Variants in PALLD observed in about 807,000 individuals in gnomAD.
PALLD encodes the protein palladin, cytoskeletal associated protein.
A neutral mutation model predicts 123.5 loss-of-function variants in PALLD; 61 were observed. The ratio of observed to expected loss-of-function variants is 0.49; its 90% confidence interval spans 0.40 to 0.61. PALLD has a LOEUF of 0.61. Ranked by LOEUF, PALLD falls within the 20% of genes least tolerant of loss-of-function variation. The pLI is 0.00. For synonymous variants in PALLD, 465 were observed against 496.4 expected (o/e 0.94, Z 0.84); for missense variants, 1,273 against 1,377.0 (o/e 0.92, Z 1.20).
At chr4:168,580,661 G>C (rs996602374) in intron 2 of PALLD, among the ~76,000 whole-genome samples, 1 of 152,022 alleles carries the variant, frequency 6.6e-6, no homozygotes, top group Non-Finnish European at 1.5e-5. Flanking sequence ...CTACTATAAA[G>C]ACATATGTAT....
intron 10 of PALLD, among the ~76,000 whole-genome samples, chr4:168,791,960 A>G (rs1737587835): frequency 6.6e-6 from 1 of 152,234 alleles, no homozygotes; most frequent in Admixed American, 6.5e-5. Context: ...AGTTGTTTTA[A>G]AGGAGGAACT....
Position 168,890,995 on chromosome 4 carries a change from G to GT in PALLD, c.2040dup (p.Ile681TyrfsTer36). 6.2e-7 allele frequency: 1 copy of GT among 1,613,996 alleles called. No homozygotes were observed. Among genetic ancestry groups the GT allele is most frequent in the Non-Finnish European group, 8.5e-7 (1 of 1,179,878 alleles). ...GGAAATTCAAGGCACAAAGGATGCT[G>GT]TTATTCAAGACCTGGAACGAAAACT... On this transcript the variant is annotated frameshift_variant, in exon 11 of 22. Transcript: ENST00000505667. LOFTEE classifies it high-confidence loss of function.
At chr4:168,873,214 C>A (rs1164961473) in intron 10 of PALLD, among the ~76,000 whole-genome samples, 1 of 152,096 alleles carries the variant, frequency 6.6e-6, no homozygotes, top group Non-Finnish European at 1.5e-5. Context: ...GATGAGTCCA[C>A]CATGTTTAGT....
At chr4:168,789,296 G>A (rs1386484757) in intron 10 of PALLD, among the ~76,000 whole-genome samples, 1 of 152,190 alleles carries the variant, frequency 6.6e-6, no homozygotes, top group Non-Finnish European at 1.5e-5. Flanking sequence ...GTTGGGGCAG[G>A]AGGAAAAATA....
chr4:168,888,756 C>G lies in PALLD; in HGVS notation c.1965-2166C>G, dbSNP rs533349689. Reference sequence around the variant, plus strand: ...TAAATTGGCGTACATTAATTACCCCCTGAGTCTGGGGAGGGGGATCACATT... The same window carrying G: ...TAAATTGGCGTACATTAATTACCCCGTGAGTCTGGGGAGGGGGATCACATT... On this transcript the variant is annotated intron_variant, in intron 10 of 21. Coordinates refer to ENST00000505667, the MANE Select transcript of PALLD (RefSeq NM_001166108.2). Among the ~76,000 whole-genome samples, 3 of 151,498 alleles carry G rather than the reference C, an allele frequency of 2.0e-5. No homozygotes were observed. In the East Asian group the frequency reaches 5.8e-4, roughly 29 times the overall value.
intron 2 of PALLD, among the ~76,000 whole-genome samples, chr4:168,646,845 G>A (rs1254233129): frequency 6.6e-6 from 1 of 152,174 alleles, no homozygotes; most frequent in African/African-American, 2.4e-5. Context: ...TTCATGACAT[G>A]TACCTTTATT....
chr4:168,817,890 CCTT>C (rs1742203109), intron 10 of PALLD, among the ~76,000 whole-genome samples: 1 of 152,206 alleles, frequency 6.6e-6, no homozygotes, highest in Non-Finnish European at 1.5e-5. Flanking sequence ...ACAAATCTAT[CCTT>C]CTGTTCTCAT....
At chr4:168,917,862 C>T (rs1045302604) in intron 17 of PALLD, among the ~76,000 whole-genome samples, 10 of 151,884 alleles carry the variant, frequency 6.6e-5, no homozygotes, top group African/African-American at 2.4e-4. Flanking sequence ...AGTACAGCTA[C>T]CATATGATCC....
At chr4:168,846,118 G>A (rs1394751510) in intron 10 of PALLD, among the ~76,000 whole-genome samples, 4 of 152,178 alleles carry the variant, frequency 2.6e-5, no homozygotes, top group Admixed American at 6.5e-5. Flanking sequence ...AACCATGCAT[G>A]TACAAATATT....
rs971195788 is a variant in PALLD at position 168,755,109 on chromosome 4, T to G, written c.1964+43186T>G. ...TTAGCCAGGCGTGGTGGCGGGCGCC[T>G]GTAGTCTCAGCTACTTGGGAGGCTG... On this transcript the variant is annotated intron_variant, in intron 10 of 21. Transcript: ENST00000505667. Among the ~76,000 whole-genome samples, 20 of 151,830 alleles carry G rather than the reference T, an allele frequency of 1.3e-4. 1 individual carries two copies. Among genetic ancestry groups the G allele is most frequent in the African/African-American group, 4.8e-4 (20 of 41,318 alleles).
At chr4:168,667,563 ATTGT>A (rs1457409728) in intron 2 of PALLD, among the ~76,000 whole-genome samples, 8 of 152,292 alleles carry the variant, frequency 5.3e-5, no homozygotes, top group South Asian at 4.1e-4. Context: ...GAAGGACCTG[ATTGT>A]TTGGGAAAGG....
chr4:168,562,749 A>G (rs1250753459), intron 2 of PALLD, among the ~76,000 whole-genome samples: 1 of 152,178 alleles, frequency 6.6e-6, no homozygotes, highest in African/African-American at 2.4e-5. Flanking sequence ...CCAGGAGGTG[A>G]CCCTGAAAAG....
intron 10 of PALLD, among the ~76,000 whole-genome samples, chr4:168,759,196 AAAAAAAATATATATATATATATATAT>A (rs1481288623): frequency 2.7e-5 from 1 of 37,058 alleles, no homozygotes; most frequent in African/African-American, 1.3e-4. Flanking sequence ...AAAAAAAAAA[AAAAAAAATATATATATATATATATAT>A]ATATATATAT....
chr4:168,546,079 G>A lies in PALLD; in HGVS notation c.908+33667G>A, dbSNP rs374055875. Among the ~76,000 whole-genome samples the A allele has an allele frequency of 1.6e-4, 25 of 152,220 alleles. No homozygotes were observed. The East Asian group carries it at 3.7e-3, about 22-fold the overall frequency. On this transcript the variant is annotated intron_variant, in intron 2 of 21. Transcript: ENST00000505667. Reference sequence around the variant, plus strand: ...GGTAGCTCTTTCATTTAACCAAGCAGCTTGATAGCTTCTGTATATGCACAG... The same window carrying A: ...GGTAGCTCTTTCATTTAACCAAGCAACTTGATAGCTTCTGTATATGCACAG...
chr4:168,772,270 C>A (rs1162961465), intron 10 of PALLD, among the ~76,000 whole-genome samples: 1 of 152,204 alleles, frequency 6.6e-6, no homozygotes, highest in Non-Finnish European at 1.5e-5. Flanking sequence ...TAACACAATG[C>A]ACCAAAGCCA....
chr4:168,883,995 C>T (rs190881256), intron 10 of PALLD, among the ~76,000 whole-genome samples: 480 of 150,928 alleles, frequency 3.2e-3, no homozygotes, highest in African/African-American at 0.01. Context: ...TTTTTATTTC[C>T]TAATGAGTTG....
chr4:168,798,861 T>C (rs1738895373), intron 10 of PALLD, among the ~76,000 whole-genome samples: 1 of 152,218 alleles, frequency 6.6e-6, no homozygotes, highest in Non-Finnish European at 1.5e-5. Flanking sequence ...GTTAATTCTT[T>C]GTACAGCTAA....
chr4:168,734,925 TAGAGAGAG>T (rs113680242), intron 10 of PALLD, among the ~76,000 whole-genome samples: 31 of 147,524 alleles, frequency 2.1e-4, no homozygotes, highest in African/African-American at 6.7e-4. Context: ...CCCCATCTCT[TAGAGAGAG>T]AGAGAGAGAG....
At chr4:168,900,953 GA>G (rs1270300097) in intron 14 of PALLD, among the ~76,000 whole-genome samples, 5 of 152,144 alleles carry the variant, frequency 3.3e-5, no homozygotes, top group African/African-American at 9.7e-5. Flanking sequence ...CAAATTCTAA[GA>G]TTATTGATTC....
Sources: allele counts gnomAD v4.1 joint callset (sites outside exome capture counted in the v4.1 genomes callset), GRCh38; gene constraint gnomAD v4.1.1; transcripts MANE v1.5; gene names NCBI Gene and HGNC (gene_info 2026-07-23, HGNC 2026-07-21).